The following KHDRBS2 variants were observed in gnomAD, a reference collection of about 807,000 sequenced individuals.
KHDRBS2 encodes the protein KH domain-containing, RNA-binding, signal transduction-associated protein 2.
KHDRBS2 carries 26 observed loss-of-function variants against 44.3 expected under a neutral mutation model. That is an observed-to-expected ratio of 0.59 (90% CI 0.43 to 0.81). The LOEUF is 0.81. Among genes scored for constraint, KHDRBS2 ranks in the 40% least tolerant of loss-of-function variants. The probability of loss-of-function intolerance (pLI) is 0.00; values close to 1 mark genes in which losing one functional copy is unlikely to be tolerated. For synonymous variants in KHDRBS2, 194 were observed against 151.1 expected, an observed-to-expected ratio of 1.28 and a Z score of -2.08; for missense variants, 476 against 433.1, an observed-to-expected ratio of 1.10 and a Z score of -0.88.
At chr6:61,711,927 C>G (rs892982699) in intron 7 of KHDRBS2, among the ~76,000 whole-genome samples, 1 of 151,894 alleles carries the variant, frequency 6.6e-6, no homozygotes, top group South Asian at 2.1e-4. Context: ...TAAGAAATTA[C>G]TTAGCTCATG....
intron 8 of KHDRBS2, among the ~76,000 whole-genome samples, chr6:61,690,823 G>A (rs1237924618): frequency 2.0e-5 from 3 of 151,824 alleles, no homozygotes; most frequent in Non-Finnish European, 1.5e-5. Context: ...GATACTGATA[G>A]GAAAAAATAA....
At chr6:62,225,732 C>T (rs1403392565) in intron 1 of KHDRBS2, among the ~76,000 whole-genome samples, 1 of 151,616 alleles carries the variant, frequency 6.6e-6, no homozygotes. Flanking sequence ...TTTCCTCTCC[C>T]TTTGTCCATG....
intron 1 of KHDRBS2, among the ~76,000 whole-genome samples, chr6:62,238,146 G>T (rs1278163871): frequency 2.0e-5 from 3 of 151,970 alleles, no homozygotes; most frequent in Non-Finnish European, 4.4e-5. Flanking sequence ...GTTTCACTTG[G>T]TATATTTTAA....
At chr6:61,588,154 G>A in the KHDRBS2 span, among the ~76,000 whole-genome samples, 6 of 152,146 alleles carry the variant, frequency 3.9e-5, no homozygotes, top group African/African-American at 1.4e-4. Context: ...CCATTTATTA[G>A]GGTTTTTAAT....
Position 62,012,204 on chromosome 6 carries a change from T to C in KHDRBS2, c.337-33992A>G, listed in dbSNP as rs181130938. Among the ~76,000 whole-genome samples the C allele has an allele frequency of 2.6e-4, 40 of 152,280 alleles. 1 individual carries two copies. In the East Asian group the frequency reaches 6.6e-3, roughly 25 times the overall value. ...TTCCTCCAGAGTCCAAGAGTAATCT[T>C]GATTATTCACTCTTCCTCATTAACT... On this transcript the variant is annotated intron_variant, in intron 3 of 8. Coordinates refer to ENST00000281156, the MANE Select transcript of KHDRBS2 (RefSeq NM_152688.4).
intron 1 of KHDRBS2, among the ~76,000 whole-genome samples, chr6:62,214,865 G>C (rs1471940297): frequency 6.6e-6 from 1 of 151,944 alleles, no homozygotes; most frequent in African/African-American, 2.4e-5. Context: ...CAAAGCTGAA[G>C]AGCTGAAAGC....
At chr6:61,948,790 G>A (rs1195235103) in intron 4 of KHDRBS2, among the ~76,000 whole-genome samples, 9 of 151,520 alleles carry the variant, frequency 5.9e-5, no homozygotes, top group Non-Finnish European at 1.0e-4. Flanking sequence ...GGAACTATAC[G>A]CACATGCCTC....
the KHDRBS2 span, among the ~76,000 whole-genome samples, chr6:61,569,361 C>T: frequency 6.6e-6 from 1 of 152,120 alleles, no homozygotes; most frequent in South Asian, 2.1e-4. Flanking sequence ...TGGCCCTGCC[C>T]ATCACCTGAG....
At chr6:62,140,331 G>T (rs1812529487) in intron 2 of KHDRBS2, among the ~76,000 whole-genome samples, 1 of 152,180 alleles carries the variant, frequency 6.6e-6, no homozygotes, top group Non-Finnish European at 1.5e-5. Context: ...AGCAGTTAAT[G>T]TCGATCTTAG....
intron 8 of KHDRBS2, among the ~76,000 whole-genome samples, chr6:61,686,091 C>CG (rs1766786226): frequency 6.6e-6 from 1 of 151,720 alleles, no homozygotes; most frequent in Admixed American, 6.6e-5. Flanking sequence ...TTACTGAGTG[C>CG]AGTCATGATA....
the KHDRBS2 span, among the ~76,000 whole-genome samples, chr6:61,566,096 G>T: frequency 6.6e-6 from 1 of 151,916 alleles, no homozygotes; most frequent in African/African-American, 2.4e-5. Context: ...CAATGCCATG[G>T]ATGGAACTGA....
At chr6:62,247,427 A>G (rs1283330850) in intron 1 of KHDRBS2, among the ~76,000 whole-genome samples, 26 of 152,144 alleles carry the variant, frequency 1.7e-4, no homozygotes, top group Non-Finnish European at 3.8e-4. Flanking sequence ...TTTAACACAA[A>G]CAAGAAATTT....
chr6:61,990,173 G>A (rs1775861174), intron 3 of KHDRBS2, among the ~76,000 whole-genome samples: 1 of 152,000 alleles, frequency 6.6e-6, no homozygotes, highest in Admixed American at 6.6e-5. Flanking sequence ...CCTCTGCTGG[G>A]GGAACTCAAT....
At chr6:61,620,791 A>G in the KHDRBS2 span, among the ~76,000 whole-genome samples, 2 of 152,192 alleles carry the variant, frequency 1.3e-5, no homozygotes, top group African/African-American at 4.8e-5. Context: ...CTCCTGCCCA[A>G]TGCAGGAGTT....
At chr6:61,892,394 A>G (rs535631329) in intron 6 of KHDRBS2, among the ~76,000 whole-genome samples, 2 of 152,310 alleles carry the variant, frequency 1.3e-5, no homozygotes, top group South Asian at 4.1e-4. Flanking sequence ...AGAATTGGAA[A>G]AAACTACTTT....
downstream of KHDRBS2, among the ~76,000 whole-genome samples, chr6:61,679,777 A>G (rs1377933684): frequency 6.6e-6 from 1 of 151,950 alleles, no homozygotes; most frequent in Non-Finnish European, 1.5e-5. Flanking sequence ...GAATCTACGC[A>G]ATGCTTACAT....
intron 2 of KHDRBS2, among the ~76,000 whole-genome samples, chr6:62,085,886 T>C (rs1241298426): frequency 6.6e-6 from 1 of 152,038 alleles, no homozygotes; most frequent in Non-Finnish European, 1.5e-5. Context: ...AGGGTTAAGA[T>C]TGGGAAAAAG....
At chr6:61,954,234 T>C (rs1368513886) in intron 4 of KHDRBS2, among the ~76,000 whole-genome samples, 2 of 151,892 alleles carry the variant, frequency 1.3e-5, no homozygotes, top group Non-Finnish European at 2.9e-5. Flanking sequence ...AATAGGGATG[T>C]GTGTGAATGT....
intron 1 of KHDRBS2, among the ~76,000 whole-genome samples, chr6:62,260,637 G>A (rs1234303811): frequency 6.6e-6 from 1 of 151,674 alleles, no homozygotes. Flanking sequence ...TTTTTTACCT[G>A]GAATTCCTGG....
Sources: gnomAD v4.1 joint callset for allele counts (sites outside exome capture counted in the v4.1 genomes callset) on GRCh38, gnomAD v4.1.1 for gene constraint, MANE v1.5 for transcripts, NCBI Gene and HGNC (gene_info 2026-07-23, HGNC 2026-07-21) for gene names.